Variants in SPTBN4 observed in about 807,000 individuals in gnomAD.
SPTBN4 encodes the protein spectrin beta, non-erythrocytic 4.
In SPTBN4, 96 loss-of-function variants were observed where a neutral mutation model predicts 277.8. That is an observed-to-expected ratio of 0.35 (90% CI 0.29 to 0.41). SPTBN4 has a LOEUF of 0.41. SPTBN4 is among the 10% of genes least tolerant of loss of function. SPTBN4 has a pLI of 1.00. For missense variants in SPTBN4, 3,006 were observed against 3,595.7 expected, an observed-to-expected ratio of 0.84 and a Z score of 4.19; for synonymous variants, 1,481 against 1,580.3, an observed-to-expected ratio of 0.94 and a Z score of 1.49.
At chr19:40,497,156 A>G (rs1315801441) in intron 6 of SPTBN4, among the ~76,000 whole-genome samples, 1 of 151,344 alleles carries the variant, frequency 6.6e-6, no homozygotes, top group Admixed American at 6.6e-5. Context: ...TTGTCATATG[A>G]TTTCACAGAG....
rs113574930 is a variant in SPTBN4 at position 40,493,352 on chromosome 19, G to C, written c.587+298G>C. ...AAGCCTTGATCTCCTAGGTTCCAGT[G>C]ATCCTCCCTCCTCAGCCTCCCAAGT... On this transcript the variant is annotated intron_variant, in intron 5 of 35. Transcript: ENST00000598249. Among the ~76,000 whole-genome samples the C allele has an allele frequency of 1.0e-2, 1,521 of 152,222 alleles. 33 individuals are homozygous for C. Among genetic ancestry groups the C allele is most frequent in the African/African-American group, 0.033 (1,387 of 41,512 alleles).
In SPTBN4 at chr19:40,568,147, A is replaced by G; in HGVS notation, c.6821A>G (p.Glu2274Gly). 6.3e-7 allele frequency: 1 copy of G among 1,578,558 alleles called. No individual in the cohort carries two copies. Among genetic ancestry groups the G allele is most frequent in the Non-Finnish European group, 8.6e-7 (1 of 1,163,042 alleles). ...CGGCCGGAGCGGCAGGAGTCAGCGG[A>G]GCACGAGGCGGCACACAGCCTTACC... ...RRRPERQESAEHEAAHSLTLG... is the reference protein window; with the variant it reads ...RRRPERQESAGHEAAHSLTLG... The change falls in exon 31 of 36, where the codon GAG (glutamate) becomes GGG (glycine). Residue 2274 changes from glutamate (E) to glycine (G), a missense_variant. Physicochemically the swap from Glu to Gly is moderately conservative, Grantham distance 98. Coordinates refer to ENST00000598249, the MANE Select transcript of SPTBN4 (RefSeq NM_020971.3).
chr19:40,511,665 A>C (rs982431838), intron 13 of SPTBN4, among the ~76,000 whole-genome samples: 4 of 152,142 alleles, frequency 2.6e-5, no homozygotes, highest in African/African-American at 9.7e-5. Flanking sequence ...ACACTTCGGG[A>C]GGCCAAGTGG....
At chr19:40,537,384 T>C (rs551658743) in intron 20 of SPTBN4, among the ~76,000 whole-genome samples, 2 of 152,194 alleles carry the variant, frequency 1.3e-5, no homozygotes, top group Non-Finnish European at 2.9e-5. Flanking sequence ...TCCATTTCAC[T>C]AGCACAGGTC....
intron 20 of SPTBN4, among the ~76,000 whole-genome samples, chr19:40,542,871 C>T (rs911910368): frequency 6.6e-6 from 1 of 151,512 alleles, no homozygotes; most frequent in Non-Finnish European, 1.5e-5. Flanking sequence ...AGTGCAGTGG[C>T]GCGATCTCAG....
chr19:40,470,686 G>C (rs143767057), intron 1 of SPTBN4, among the ~76,000 whole-genome samples: 2,121 of 151,638 alleles, frequency 0.014, 54 homozygotes, highest in African/African-American at 0.049. Flanking sequence ...AGGATAGAGT[G>C]CAGTGGCACA....
At chr19:40,525,488 G>T (rs114242618) in intron 17 of SPTBN4, among the ~76,000 whole-genome samples, 1 of 151,986 alleles carries the variant, frequency 6.6e-6, no homozygotes, top group Admixed American at 6.6e-5. Context: ...AGCATGGCCT[G>T]TTCCACATTT....
At chr19:40,563,608 G>A (rs116960339) in intron 27 of SPTBN4, among the ~76,000 whole-genome samples, 5,516 of 150,802 alleles carry the variant, frequency 0.037, 167 homozygotes, top group Non-Finnish European at 0.061. Context: ...AGGCAGTTTC[G>A]AACTTCTGGC....
At chr19:40,565,865 C>G (rs1191921628) in intron 29 of SPTBN4, 120 bp downstream of exon 29, 1 of 1,128,122 alleles carries the variant, frequency 8.9e-7, no homozygotes, top group Non-Finnish European at 1.3e-6. Flanking sequence ...TCTCCAGAAG[C>G]AAACATAAGG....
chr19:40,495,391 C>A (rs1163362999), intron 6 of SPTBN4, among the ~76,000 whole-genome samples: 1 of 152,138 alleles, frequency 6.6e-6, no homozygotes, highest in Admixed American at 6.5e-5. Context: ...ACTTGTAATC[C>A]CTGCACTTTG....
At chr19:40,538,711 C>T (rs1021666066) in intron 20 of SPTBN4, among the ~76,000 whole-genome samples, 28 of 152,166 alleles carry the variant, frequency 1.8e-4, no homozygotes, top group Non-Finnish European at 3.5e-4. Flanking sequence ...CCTCAGCCTC[C>T]TGAGTAGCTG....
intron 22 of SPTBN4, among the ~76,000 whole-genome samples, chr19:40,553,568 C>T (rs2080942155): frequency 6.6e-6 from 1 of 152,092 alleles, no homozygotes; most frequent in South Asian, 2.1e-4. Flanking sequence ...AAAAAAGACT[C>T]ACAAAAAGTT....
At chr19:40,569,969 CACACAGACACACACACACAG>C (rs1387733883) in intron 32 of SPTBN4, among the ~76,000 whole-genome samples, 1 of 127,408 alleles carries the variant, frequency 7.8e-6, no homozygotes, top group East Asian at 2.1e-4. Flanking sequence ...CACACACACA[CACACAGACACACACACACAG>C]ACACACACAC....
chr19:40,559,275 A>T (rs1162242642), intron 26 of SPTBN4, among the ~76,000 whole-genome samples: 4 of 152,124 alleles, frequency 2.6e-5, no homozygotes, highest in Non-Finnish European at 5.9e-5. Flanking sequence ...AATCAGGCTG[A>T]GAGATTCATA....
chr19:40,493,053 G>T lies in SPTBN4; in HGVS notation c.586G>T (p.Gly196Cys), dbSNP rs1259932582. Residue 196 changes from glycine (G) to cysteine (C), a missense_variant and splice_region_variant, in exon 5 of 36, where the codon GGT (glycine) becomes TGT (cysteine). By Grantham distance (159) the Gly-to-Cys change is radical. This residue lies in a region of SPTBN4 where 1,759 missense variants were observed against 2,061.5 expected (regional missense o/e 0.85). Transcript: ENST00000598249. ...CTTGTGGTGTCAGATGAAGACAGCT[G>T]GGTAAGCACCCCCACCACCTTCCTT... ...LLLWCQMKTA[G>C]YPEVNIQNFT... The T allele has an allele frequency of 1.2e-6, 2 of 1,613,982 alleles. No individual in the cohort carries two copies. Among genetic ancestry groups the T allele is most frequent in the South Asian group, 2.2e-5 (2 of 91,066 alleles).
In SPTBN4 at chr19:40,512,873, C is replaced by T; in HGVS notation, c.2084C>T (p.Ala695Val). The T allele has an allele frequency of 4.8e-6, 7 of 1,446,014 alleles. No individual in the cohort carries two copies. The highest frequency in any genetic ancestry group is 6.3e-6 in the Non-Finnish European group (7 of 1,111,552). 89.6% of individuals were successfully genotyped at this position (1,446,014 alleles called of 1,614,324 possible). Reference protein sequence around the residue: ...AGGAHDLSSTARLLAQHKILQ... With the variant: ...AGGAHDLSSTVRLLAQHKILQ... ...GGCGCGCATGACCTGTCCAGCACAG[C>T]GCGCCTCCTGGCCCAGCACAAGATC... is the stretch of plus-strand genomic sequence containing the variant. The change falls in exon 14 of 36, where the codon GCG becomes GTG. Residue 695 changes from alanine (A) to valine (V), a missense_variant. Coordinates refer to ENST00000598249, the MANE Select transcript of SPTBN4 (RefSeq NM_020971.3).
At chr19:40,482,853 C>T (rs1282498340) in intron 2 of SPTBN4, among the ~76,000 whole-genome samples, 3 of 151,614 alleles carry the variant, frequency 2.0e-5, no homozygotes, top group Non-Finnish European at 2.9e-5. Context: ...CCCAGCTACT[C>T]GGGAGGCTGA....
At chr19:40,506,892 G>T (rs2080337055) in intron 13 of SPTBN4, among the ~76,000 whole-genome samples, 1 of 152,164 alleles carries the variant, frequency 6.6e-6, no homozygotes. Flanking sequence ...GCTGAGGCAG[G>T]AGGCTCACTT....
intron 35 of SPTBN4, among the ~76,000 whole-genome samples, chr19:40,572,874 G>A (rs879884820): frequency 4.6e-5 from 7 of 152,122 alleles, no homozygotes; most frequent in South Asian, 2.1e-4. Context: ...CAGGAGAATC[G>A]TTTGAACCTG....
Sources: gnomAD v4.1 joint callset for allele counts (sites outside exome capture counted in the v4.1 genomes callset) on GRCh38, gnomAD v4.1.1 for gene constraint, gnomAD v4.1.1 regional missense constraint, MANE v1.5 for transcripts, NCBI Gene and HGNC (gene_info 2026-07-23, HGNC 2026-07-21) for gene names.